BOC: variants seen among roughly 807,000 people sequenced by gnomAD.
The protein encoded by BOC is brother of CDO.
BOC carries 76 observed loss-of-function variants against 112.0 expected under a neutral mutation model. The observed-to-expected ratio is 0.68, with a 90% CI of 0.56 to 0.82. The LOEUF (loss-of-function observed/expected upper bound fraction) is 0.82, where lower values mean the gene tolerates loss of function less well. Ranked by LOEUF, BOC falls within the 40% of genes least tolerant of loss-of-function variation. BOC has a pLI of 0.00. For synonymous variants in BOC, 580 were observed against 599.8 expected, an observed-to-expected ratio of 0.97 and a Z score of 0.48; for missense variants, 1,309 against 1,511.7, an observed-to-expected ratio of 0.87 and a Z score of 2.22.
At chr3:113,275,251 CA>C (rs1948540171) in intron 9 of BOC, among the ~76,000 whole-genome samples, 1 of 152,166 alleles carries the variant, frequency 6.6e-6, no homozygotes, top group Admixed American at 6.5e-5. Flanking sequence ...CAAAGCACAT[CA>C]TGTTGTTCAG....
intron 4 of BOC, 39 bp from the exon 5 acceptor site, chr3:113,268,260 C>G (rs751753927): frequency 6.2e-7 from 1 of 1,611,700 alleles, no homozygotes; most frequent in East Asian, 2.2e-5. Context: ...CACTTTTGCT[C>G]TGCTGTCCTC....
chr3:113,248,063 G>C (rs1225671779), intron 2 of BOC, among the ~76,000 whole-genome samples: 2 of 152,172 alleles, frequency 1.3e-5, no homozygotes, highest in Non-Finnish European at 2.9e-5. Flanking sequence ...CATCGGGAAA[G>C]AACTCTTGGA....
intron 2 of BOC, among the ~76,000 whole-genome samples, chr3:113,240,821 G>C (rs768069499): frequency 1.6e-4 from 24 of 152,100 alleles, no homozygotes; most frequent in Non-Finnish European, 3.1e-4. Context: ...CACTGGCGGG[G>C]GAAGATGCCC....
At chr3:113,248,792 C>T (rs1301156673) in intron 2 of BOC, among the ~76,000 whole-genome samples, 1 of 152,130 alleles carries the variant, frequency 6.6e-6, no homozygotes. Flanking sequence ...TGCTACTGTT[C>T]TAGGCAGAGA....
chr3:113,255,332 ACTGGACC>A (rs1167258305), intron 4 of BOC, among the ~76,000 whole-genome samples: 1 of 152,052 alleles, frequency 6.6e-6, no homozygotes, highest in Non-Finnish European at 1.5e-5. Context: ...ACTCCTTCTT[ACTGGACC>A]CTGAGTTCCA....
intron 18 of BOC, among the ~76,000 whole-genome samples, chr3:113,285,102 A>C (rs1308347628): frequency 6.6e-6 from 1 of 152,290 alleles, no homozygotes; most frequent in Admixed American, 6.5e-5. Context: ...TAGACAGATC[A>C]GAAGCACCCA....
chr3:113,238,673 C>G (rs1375065676), intron 2 of BOC, among the ~76,000 whole-genome samples: 1 of 152,308 alleles, frequency 6.6e-6, no homozygotes, highest in South Asian at 2.1e-4. Context: ...TCAGGCAGAC[C>G]TGGTTCAAAT....
At chr3:113,222,075 T>G (rs1165177415) in intron 2 of BOC, among the ~76,000 whole-genome samples, 1 of 152,218 alleles carries the variant, frequency 6.6e-6, no homozygotes. Context: ...CGCACTTTAT[T>G]AAACAGCACT....
intron 5 of BOC, chr3:113,270,597 C>T (rs1345282985): frequency 8.9e-6 from 5 of 561,410 alleles, no homozygotes; most frequent in Non-Finnish European, 1.5e-5. Context: ...TACCTTTTCT[C>T]TCTGGCACTC....
At chr3:113,223,783 C>T (rs1467361156) in intron 2 of BOC, among the ~76,000 whole-genome samples, 4 of 152,206 alleles carry the variant, frequency 2.6e-5, no homozygotes, top group African/African-American at 7.2e-5. Context: ...CTTCCCTGCC[C>T]CATACACACT....
At chr3:113,221,571 TA>T (rs1459930666) in intron 2 of BOC, among the ~76,000 whole-genome samples, 2 of 152,226 alleles carry the variant, frequency 1.3e-5, no homozygotes, top group African/African-American at 4.8e-5. Context: ...TCCTCCACTT[TA>T]AATTGGCCAG....
intron 2 of BOC, among the ~76,000 whole-genome samples, chr3:113,221,089 G>T (rs1940543789): frequency 6.6e-6 from 1 of 152,220 alleles, no homozygotes; most frequent in Admixed American, 6.5e-5. Context: ...GGCTTTGCCA[G>T]TCGATAGGTA....
At chr3:113,236,282 GTATATATATA>G (rs71706132) in intron 2 of BOC, among the ~76,000 whole-genome samples, 28,400 of 64,676 alleles carry the variant, frequency 0.44, 6,255 homozygotes, top group East Asian at 0.71. Context: ...ATACCCATGG[GTATATATATA>G]TATATATATA....
At chr3:113,250,128 GTAA>G (rs1395591889) in intron 3 of BOC, among the ~76,000 whole-genome samples, 2 of 152,238 alleles carry the variant, frequency 1.3e-5, no homozygotes, top group Admixed American at 6.5e-5. Context: ...AGGAGGAGAA[GTAA>G]TAATAATAAC....
Position 113,278,633 on chromosome 3 carries a change from C to T in BOC, c.1706-40C>T, listed in dbSNP as rs1272530454. 2 of 1,504,982 alleles carry T rather than the reference C, an allele frequency of 1.3e-6. No individual in the cohort carries two copies. Among genetic ancestry groups the T allele is most frequent in the Non-Finnish European group, 1.8e-6 (2 of 1,104,950 alleles). 93.2% of individuals were successfully genotyped at this position (1,504,982 alleles called of 1,614,324 possible). On this transcript the variant is annotated intron_variant, in intron 10 of 19. Coordinates refer to ENST00000682979, the MANE Select transcript of BOC (RefSeq NM_001378074.1). The surrounding 1 kb of genome is among the most constrained non-coding windows in gnomAD (Gnocchi z 4.2). ...ACTCTGTGGGAGGGAGATCTCATGC[C>T]TGCTTCCTCCCTTGCTGACTACAAC...
In BOC at chr3:113,216,199, C is replaced by G. The variant is rs1939334431; in HGVS notation, c.-157C>G. The G allele has an allele frequency of 2.2e-6, 1 of 454,312 alleles. No homozygotes were observed. Among genetic ancestry groups the G allele is most frequent in the Non-Finnish European group, 4.4e-6 (1 of 225,928 alleles). 28.1% of individuals were successfully genotyped at this position (454,312 alleles called of 1,614,324 possible). A position where few individuals can be genotyped will look rare whatever the true frequency, so the allele number is the denominator to read the frequency against. On this transcript the variant is annotated 5_prime_UTR_variant, in exon 2 of 20. Coordinates refer to ENST00000682979, the MANE Select transcript of BOC (RefSeq NM_001378074.1). ...TCTTTTTCCTCAGTTTCAGAACAAGCTTCCTGGAACCCATGACCCATGAAG... is the reference window on the plus strand; with the variant it reads ...TCTTTTTCCTCAGTTTCAGAACAAGGTTCCTGGAACCCATGACCCATGAAG...
At chr3:113,260,672 C>T (rs6805488) in intron 4 of BOC, among the ~76,000 whole-genome samples, 5,375 of 68,138 alleles carry the variant, frequency 0.079, 351 homozygotes, top group African/African-American at 0.23. Context: ...TAGAATAGAA[C>T]AGAACAGAAC....
rs551275559 is a variant in BOC at position 113,249,926 on chromosome 3, C to A, written c.97+27C>A. On this transcript the variant is annotated intron_variant, in intron 3 of 19. Coordinates refer to ENST00000682979, the MANE Select transcript of BOC (RefSeq NM_001378074.1). Reference sequence around the variant, plus strand: ...TGAGTGCTTTCCTTCCCTTTCCCTGCCCTTACAGTCAAATGGAAACATTCC... The same window carrying A: ...TGAGTGCTTTCCTTCCCTTTCCCTGACCTTACAGTCAAATGGAAACATTCC... The A allele has an allele frequency of 6.3e-6, 10 of 1,581,600 alleles. No individual in the cohort carries two copies. The South Asian group carries it at 8.9e-5, about 14-fold the overall frequency.
chr3:113,249,971 T>C, intron 3 of BOC, 72 bp downstream of exon 3: 1 of 1,316,134 alleles, frequency 7.6e-7, no homozygotes, highest in Non-Finnish European at 1.1e-6. Context: ...AATAACTCTT[T>C]AAAAAGGCCT....
Sources: gnomAD v4.1 joint callset for allele counts (sites outside exome capture counted in the v4.1 genomes callset) on GRCh38, gnomAD v4.1.1 for gene constraint, Gnocchi (gnomAD v3.1) non-coding constraint, MANE v1.5 for transcripts, NCBI Gene and HGNC (gene_info 2026-07-23, HGNC 2026-07-21) for gene names.